Variants in H6PD observed in about 807,000 individuals in gnomAD.
The protein encoded by H6PD is hexose-6-phosphate dehydrogenase/glucose 1-dehydrogenase.
Under a neutral mutation model 61.2 loss-of-function variants are expected in H6PD, and 48 were observed. The observed-to-expected ratio is 0.78, with a 90% CI of 0.62 to 1.00. H6PD has a LOEUF of 1.00. Among genes scored for constraint, H6PD ranks in the 50% least tolerant of loss-of-function variants. The probability of loss-of-function intolerance (pLI) is 0.00; values close to 1 mark genes in which losing one functional copy is unlikely to be tolerated. For synonymous variants in H6PD, 480 were observed against 457.9 expected, an observed-to-expected ratio of 1.05 and a Z score of -0.62; for missense variants, 1,093 against 1,065.0, an observed-to-expected ratio of 1.03 and a Z score of -0.37.
intron 1 of H6PD, among the ~76,000 whole-genome samples, chr1:9,238,516 T>G (rs781757975): frequency 3.3e-5 from 5 of 152,154 alleles, no homozygotes; most frequent in Non-Finnish European, 7.3e-5. Flanking sequence ...AGCAGTTGTA[T>G]TCTAGATAAA....
rs142080875 is a variant in H6PD at position 9,247,017 on chromosome 1, G to A, written c.679G>A (p.Gly227Ser). 2,238 of 1,614,046 alleles carry A rather than the reference G, an allele frequency of 1.4e-3. 25 individuals are homozygous for A. In the African/African-American group the frequency reaches 0.026, roughly 19 times the overall value. The change falls in exon 3 of 5, where the codon GGC (glycine) becomes AGC (serine). Residue 227 changes from glycine to serine, a missense_variant. Gly to Ser is a moderately conservative substitution (Grantham distance 56). Coordinates refer to ENST00000377403, the MANE Select transcript of H6PD (RefSeq NM_004285.4). ...FRDQNRKALDGLWNRHHVERV... is the reference protein window; with the variant it reads ...FRDQNRKALDSLWNRHHVERV... ...AGACCAGAACCGCAAGGCTTTGGACGGCCTCTGGAACCGGCACCATGTGGA... is the reference window on the plus strand; with the variant it reads ...AGACCAGAACCGCAAGGCTTTGGACAGCCTCTGGAACCGGCACCATGTGGA...
chr1:9,266,520 A>G lies in H6PD; in HGVS notation c.*1651A>G, dbSNP rs1638566311. On this transcript the variant is annotated 3_prime_UTR_variant, in exon 5 of 5. Coordinates refer to ENST00000377403, the MANE Select transcript of H6PD (RefSeq NM_004285.4). ...AGTTTTGTTTGTTCAGTATCCCACA[A>G]CTTAAGGCTGGGAGATGGAACTCTT... 1 of 152,116 alleles carries G rather than the reference A, an allele frequency of 6.6e-6. No individual in the cohort carries two copies. Among genetic ancestry groups the G allele is most frequent in the Admixed American group, 6.5e-5 (1 of 15,268 alleles). The allele number at this position is 152,116 out of a possible 1,614,324, so 9.4% of individuals were successfully genotyped here.
rs530513689 is a variant in H6PD at position 9,269,870 on chromosome 1, C to T, written c.*5001C>T. On this transcript the variant is annotated 3_prime_UTR_variant, in exon 5 of 5. Transcript: ENST00000377403. The surrounding 1 kb of genome is among the most constrained non-coding windows in gnomAD (Gnocchi z 4.3). The stretch of plus-strand genomic sequence containing the variant: ...TCCAGGAACAGCCACACACGGTTCT[C>T]CAGGCCGCCGTCAGCAGCTCAAGGT... 6.6e-6 allele frequency: 1 copy of T among 152,480 alleles called. No homozygotes were observed. Among genetic ancestry groups the T allele is most frequent in the South Asian group, 2.1e-4 (1 of 4,828 alleles). The allele number at this position is 152,480 out of a possible 1,614,324, so 9.4% of individuals were successfully genotyped here.
intron 1 of H6PD, among the ~76,000 whole-genome samples, chr1:9,244,072 T>C (rs1197819882): frequency 1.3e-5 from 2 of 152,148 alleles, no homozygotes; most frequent in African/African-American, 4.8e-5. Flanking sequence ...CAGAACCCCA[T>C]GTGGTTCTTT....
At chr1:9,248,087 C>T (rs1033348599) in intron 3 of H6PD, among the ~76,000 whole-genome samples, 31 of 152,208 alleles carry the variant, frequency 2.0e-4, no homozygotes, top group Admixed American at 1.0e-3. Flanking sequence ...GGCCTGGCGC[C>T]GCTGCGCTGT....
In H6PD at chr1:9,268,440, T is replaced by C. The variant is rs1416137403; in HGVS notation, c.*3571T>C. 1.3e-5 allele frequency: 2 copies of C among 152,144 alleles called. No homozygotes were observed. Among genetic ancestry groups the C allele is most frequent in the African/African-American group, 4.8e-5 (2 of 41,422 alleles). 9.4% of individuals were successfully genotyped at this position (152,144 alleles called of 1,614,324 possible). ...GTGGGGACCAATGATTCCATCCGCA[T>C]GGAAGCCCACGTGTGCACTTAGGGG... On this transcript the variant is annotated 3_prime_UTR_variant, in exon 5 of 5. Coordinates refer to ENST00000377403, the MANE Select transcript of H6PD (RefSeq NM_004285.4).
rs1638621540 is a variant in H6PD at position 9,267,909 on chromosome 1, C to T, written c.*3040C>T. On this transcript the variant is annotated 3_prime_UTR_variant, in exon 5 of 5. Coordinates refer to ENST00000377403, the MANE Select transcript of H6PD (RefSeq NM_004285.4). ...TTCTTAACCTTAGAACCTCGGATAT[C>T]CTCTATGTTTTAGTTTTCATTTTTT... The T allele has an allele frequency of 3.3e-5, 5 of 152,158 alleles. No individual in the cohort carries two copies. The highest frequency in any genetic ancestry group is 7.4e-5 in the Non-Finnish European group (5 of 68,024). The allele number at this position is 152,158 out of a possible 1,614,324, so 9.4% of individuals were successfully genotyped here.
chr1:9,259,834 GTGT>G (rs1162810723), intron 3 of H6PD, among the ~76,000 whole-genome samples: 1 of 150,012 alleles, frequency 6.7e-6, no homozygotes, highest in East Asian at 2.0e-4. Context: ...TGTTATGCTG[GTGT>G]TGTTTTGTTG....
At chr1:9,242,968 G>A in intron 1 of H6PD, 1 of 985,442 alleles carries the variant, frequency 1.0e-6, no homozygotes, top group Non-Finnish European at 1.2e-6. Context: ...TGGTCCTGTG[G>A]TCCGTGTGTG....
rs917260185 is a variant in H6PD at position 9,248,165 on chromosome 1, C to G, written c.745+1082C>G. Among the ~76,000 whole-genome samples, 3 of 152,358 alleles carry G rather than the reference C, an allele frequency of 2.0e-5. No homozygotes were observed. In the South Asian group the frequency reaches 6.2e-4, roughly 32 times the overall value. On this transcript the variant is annotated intron_variant, in intron 3 of 4. Transcript: ENST00000377403. ...CTTTCTGCAGCTGCAGCGGGAGCAC[C>G]CGAGGCCACTGCCCCCCCAGCCCCC...
Position 9,269,321 on chromosome 1 carries a change from A to C in H6PD, c.*4452A>C, listed in dbSNP as rs1407776298. On this transcript the variant is annotated 3_prime_UTR_variant, in exon 5 of 5. Coordinates refer to ENST00000377403, the MANE Select transcript of H6PD (RefSeq NM_004285.4). The surrounding 1 kb of genome is among the most constrained non-coding windows in gnomAD (Gnocchi z 4.3). ...GCTGCACCCGTGTGGGTAGCACTGG[A>C]AGCGGCACTGTTTGCATTGTACATA... The C allele has an allele frequency of 2.0e-5, 3 of 152,248 alleles. No individual in the cohort carries two copies. Among genetic ancestry groups the C allele is most frequent in the African/African-American group, 7.2e-5 (3 of 41,450 alleles). The allele number at this position is 152,248 out of a possible 1,614,324, so 9.4% of individuals were successfully genotyped here. A position where few individuals can be genotyped will look rare whatever the true frequency, so the allele number is the denominator to read the frequency against.
rs1265915967 is a variant in H6PD, at chr1:9,263,820, C to G, written c.1327C>G (p.Leu443Val). The change falls in exon 5 of 5, where the codon CTG becomes GTG. Residue 443 changes from leucine to valine, a missense_variant. By Grantham distance (32) the Leu-to-Val change is conservative. Transcript: ENST00000377403. ...PPGLRLFGSP[L>V]SDYYAYSPVR... ...TGGGCTCCGCCTTTTCGGCAGCCCT[C>G]TGTCCGATTACTACGCCTACAGCCC... The G allele has an allele frequency of 1.2e-6, 2 of 1,613,828 alleles. No individual in the cohort carries two copies. Among genetic ancestry groups the G allele is most frequent in the African/African-American group, 1.3e-5 (1 of 74,924 alleles).
intron 3 of H6PD, among the ~76,000 whole-genome samples, chr1:9,259,093 G>A (rs1222414928): frequency 3.3e-5 from 5 of 152,166 alleles, no homozygotes; most frequent in African/African-American, 7.2e-5. Context: ...CTGGGTTCAC[G>A]CCATTCTCCT....
rs1638326322 is a variant in H6PD at position 9,262,095 on chromosome 1, G to A, written c.782G>A (p.Arg261His). Residue 261 changes from arginine (R) to histidine (H), a missense_variant, in exon 4 of 5, where the codon CGC becomes CAC. Coordinates refer to ENST00000377403, the MANE Select transcript of H6PD (RefSeq NM_004285.4). ...TTCTATGAGGAGTACGGTGTCATTC[G>A]CGACGTCCTCCAGAACCATCTGACG... Reference protein sequence around the residue: ...TSFYEEYGVIRDVLQNHLTEV... With the variant: ...TSFYEEYGVIHDVLQNHLTEV... 2.5e-6 allele frequency: 4 copies of A among 1,614,166 alleles called. No homozygotes were observed. The highest frequency in any genetic ancestry group is 3.4e-6 in the Non-Finnish European group (4 of 1,180,014).
chr1:9,252,213 C>T (rs1641388066), intron 3 of H6PD, among the ~76,000 whole-genome samples: 1 of 152,102 alleles, frequency 6.6e-6, no homozygotes, highest in South Asian at 2.1e-4. Flanking sequence ...ACTTTTATGT[C>T]CATTCTTTAT....
In H6PD at chr1:9,234,808, G is replaced by A. The variant is rs537402818; in HGVS notation, c.-269G>A. The A allele has an allele frequency of 5.2e-4, 77 of 147,418 alleles. No individual in the cohort carries two copies. Among genetic ancestry groups the A allele is most frequent in the Admixed American group, 5.2e-3 (77 of 14,866 alleles). 9.1% of individuals were successfully genotyped at this position (147,418 alleles called of 1,614,324 possible). ...GAGCGCAAGGCGGTGGAGGCCTGAG[G>A]CCTGAGGCCTGGGGCGGGGTGGCGG... is the stretch of plus-strand genomic sequence containing the variant. On this transcript the variant is annotated 5_prime_UTR_variant, in exon 1 of 5. Coordinates refer to ENST00000377403, the MANE Select transcript of H6PD (RefSeq NM_004285.4).
At chr1:9,253,838 G>A (rs1641439385) in intron 3 of H6PD, among the ~76,000 whole-genome samples, 1 of 152,220 alleles carries the variant, frequency 6.6e-6, no homozygotes. Context: ...TGAGTGACCA[G>A]GCTGGTAGCC....
At chr1:9,255,911 C>G (rs1641502517) in intron 3 of H6PD, among the ~76,000 whole-genome samples, 1 of 152,204 alleles carries the variant, frequency 6.6e-6, no homozygotes, top group African/African-American at 2.4e-5. Flanking sequence ...CCACGCCACT[C>G]AACTTCACAC....
intron 3 of H6PD, among the ~76,000 whole-genome samples, chr1:9,255,799 G>A (rs547249110): frequency 8.5e-5 from 13 of 152,226 alleles, no homozygotes; most frequent in African/African-American, 2.4e-4. Flanking sequence ...GCTTTTGCTG[G>A]CCCCGGTAGG....
Sources: gnomAD v4.1 joint callset for allele counts (sites outside exome capture counted in the v4.1 genomes callset) on GRCh38, gnomAD v4.1.1 for gene constraint, Gnocchi (gnomAD v3.1) non-coding constraint, MANE v1.5 for transcripts, NCBI Gene and HGNC (gene_info 2026-07-23, HGNC 2026-07-21) for gene names.